SBNO2: variants seen among roughly 807,000 people sequenced by gnomAD.
SBNO2 encodes protein strawberry notch homolog 2.
SBNO2 carries 89 observed loss-of-function variants against 146.3 expected under a neutral mutation model. The observed-to-expected ratio is 0.61, with a 90% CI of 0.51 to 0.73. The LOEUF (loss-of-function observed/expected upper bound fraction) is 0.73, where lower values mean the gene tolerates loss of function less well. Ranked by LOEUF, SBNO2 falls within the 30% of genes least tolerant of loss-of-function variation. The probability of loss-of-function intolerance (pLI) is 0.00; values close to 1 mark genes in which losing one functional copy is unlikely to be tolerated. For missense variants in SBNO2, 2,092 were observed against 2,003.7 expected (o/e 1.04, Z -0.84); for synonymous variants, 1,147 against 892.6 (o/e 1.29, Z -5.08).
Position 1,112,601 on chromosome 19 carries a change from T to A in SBNO2, c.2380-64A>T. On this transcript the variant is annotated intron_variant, in intron 20 of 31. Coordinates refer to ENST00000361757, the MANE Select transcript of SBNO2 (RefSeq NM_014963.3). This position sits in a 1 kb window ranked among gnomAD's most constrained non-coding sequence, Gnocchi z 5.9. ...GGCCCGCCCCAGCGTTGCCGCCACC[T>A]CCTCACCCACTAGGCCCCCGCTCCA... 1 of 1,506,208 alleles carries A rather than the reference T, an allele frequency of 6.6e-7. No homozygotes were observed. The highest frequency in any genetic ancestry group is 1.3e-5 in the South Asian group (1 of 79,250). The allele number at this position is 1,506,208 out of a possible 1,614,324, so 93.3% of individuals were successfully genotyped here.
At position 1,158,981 on chromosome 19, in the gene SBNO2, C is replaced by T. The variant is rs961794294; in HGVS notation, c.-126-4579G>A. 6.6e-6 allele frequency among the ~76,000 whole-genome samples: 1 copy of T among 150,952 alleles called. No individual in the cohort carries two copies. The highest frequency in any genetic ancestry group is 1.5e-5 in the Non-Finnish European group (1 of 67,870). On this transcript the variant is annotated intron_variant, in intron 1 of 31. Transcript: ENST00000361757. This position sits in a 1 kb window ranked among gnomAD's most constrained non-coding sequence, Gnocchi z 9.9. ...ACCCCACTTGCAGCTGCAACCGCCG[C>T]CCCACGGCCGTGACCCCACCTGCAC...
chr19:1,162,235 G>A (rs1409768606), intron 1 of SBNO2, among the ~76,000 whole-genome samples: 6 of 136,954 alleles, frequency 4.4e-5, no homozygotes, highest in Non-Finnish European at 9.4e-5. Flanking sequence ...CAAGGCGGGT[G>A]GATCACGAGG....
chr19:1,151,200 C>T (rs975433695), intron 2 of SBNO2, among the ~76,000 whole-genome samples: 1 of 152,252 alleles, frequency 6.6e-6, no homozygotes, highest in Non-Finnish European at 1.5e-5. Context: ...TCCAGACCAA[C>T]CCAGCCTCCT....
chr19:1,171,857 G>A (rs1475217271), intron 1 of SBNO2, among the ~76,000 whole-genome samples: 3 of 152,178 alleles, frequency 2.0e-5, no homozygotes, highest in African/African-American at 7.2e-5. Context: ...CACGCGGCTG[G>A]AGAACATGCA....
At chr19:1,153,147 G>C (rs938361537) in intron 2 of SBNO2, among the ~76,000 whole-genome samples, 1 of 150,978 alleles carries the variant, frequency 6.6e-6, no homozygotes, top group East Asian at 1.9e-4. Context: ...GAGTGAAACC[G>C]TGTTTTAAAA....
intron 1 of SBNO2, among the ~76,000 whole-genome samples, chr19:1,155,727 C>T (rs928690317): frequency 1.3e-5 from 2 of 152,134 alleles, no homozygotes; most frequent in African/African-American, 2.4e-5. Context: ...TGGGACCCCC[C>T]GACCCCGGCC....
rs967914216 is a variant in SBNO2 at position 1,119,532 on chromosome 19, G to A, written c.1357C>T (p.His453Tyr). Residue 453 changes from histidine (H) to tyrosine (Y), a missense_variant, in exon 13 of 32, where the codon CAC (histidine) becomes TAC (tyrosine). Coordinates refer to ENST00000361757, the MANE Select transcript of SBNO2 (RefSeq NM_014963.3). ...TPFRNFEEFL[H>Y]AIEKRGVGAM... Reference sequence around the variant, plus strand: ...GGCACTCACCTCTTCTCGATGGCGTGCAGGAACTCCTCAAAGTTCCGGAAG... The same window carrying A: ...GGCACTCACCTCTTCTCGATGGCGTACAGGAACTCCTCAAAGTTCCGGAAG... The A allele has an allele frequency of 6.2e-6, 10 of 1,608,990 alleles. No homozygotes were observed. Among genetic ancestry groups the A allele is most frequent in the Non-Finnish European group, 8.5e-6 (10 of 1,177,752 alleles).
rs920584565 is a variant in SBNO2, at chr19:1,136,859, CAG to C, written c.280-9096_280-9095del. ...TCCCAGAAGCCCCCGGGCTGCCAGG[CAG>C]AGAGTGTTGTTACCGGACAGCTGCG... On this transcript the variant is annotated intron_variant, in intron 4 of 31. Coordinates refer to ENST00000361757, the MANE Select transcript of SBNO2 (RefSeq NM_014963.3). The surrounding 1 kb of genome is among the most constrained non-coding windows in gnomAD (Gnocchi z 4.2). Among the ~76,000 whole-genome samples, 11 of 152,078 alleles carry C rather than the reference CAG, an allele frequency of 7.2e-5. No homozygotes were observed. The highest frequency in any genetic ancestry group is 1.9e-4 in the African/African-American group (8 of 41,408).
chr19:1,132,047 C>T, intron 4 of SBNO2: 2 of 1,464,422 alleles, frequency 1.4e-6, no homozygotes, highest in Non-Finnish European at 1.8e-6. Flanking sequence ...CTCCCAGACC[C>T]CTGCCCCCGA....
At chr19:1,117,656 T>C (rs2079849606) in intron 14 of SBNO2, among the ~76,000 whole-genome samples, 157 bp from the exon 15 acceptor site, 1 of 152,232 alleles carries the variant, frequency 6.6e-6, no homozygotes, top group African/African-American at 2.4e-5. Context: ...TAAGAGGCAC[T>C]GCCTCTACCT....
In SBNO2 at chr19:1,108,141, C is replaced by T. The variant is rs1227993795; in HGVS notation, c.*79G>A. On this transcript the variant is annotated 3_prime_UTR_variant, in exon 32 of 32. Coordinates refer to ENST00000361757, the MANE Select transcript of SBNO2 (RefSeq NM_014963.3). ...GCTCCTCTGAGCAGTGGTCAGGGGACCTTGGCCCTGCTCCCCACCGCTGCT... is the reference window on the plus strand; with the variant it reads ...GCTCCTCTGAGCAGTGGTCAGGGGATCTTGGCCCTGCTCCCCACCGCTGCT... 7.9e-6 allele frequency: 11 copies of T among 1,394,056 alleles called. No individual in the cohort carries two copies. Among genetic ancestry groups the T allele is most frequent in the East Asian group, 3.4e-5 (1 of 29,298 alleles). 86.4% of individuals were successfully genotyped at this position (1,394,056 alleles called of 1,614,324 possible). A position where few individuals can be genotyped will look rare whatever the true frequency, so the allele number is the denominator to read the frequency against.
rs1245790116 is a variant in SBNO2, at chr19:1,116,870, C to T, written c.1761G>A (p.Gly587=). The change falls in exon 16 of 32, where the codon GGG becomes GGA. Residue 587 remains glycine (G), a synonymous_variant. Coordinates refer to ENST00000361757, the MANE Select transcript of SBNO2 (RefSeq NM_014963.3). The part of the protein sequence containing the change: ...TGEARTREVL[G]ENDGHLNCFV... ...AGCAGTTGAGGTGCCCATCGTTCTC[C>T]CCCAGCACCTCCCGCGTGCGCGCCT... is the stretch of plus-strand genomic sequence containing the variant. 1 of 1,591,360 alleles carries T rather than the reference C, an allele frequency of 6.3e-7. No individual in the cohort carries two copies. The highest frequency in any genetic ancestry group is 8.5e-7 in the Non-Finnish European group (1 of 1,171,484).
At position 1,161,688 on chromosome 19, in the gene SBNO2, G is replaced by A. The variant is rs953859262; in HGVS notation, c.-126-7286C>T. 4.6e-5 allele frequency among the ~76,000 whole-genome samples: 7 copies of A among 151,988 alleles called. No individual in the cohort carries two copies. The South Asian group carries it at 8.3e-4, about 18-fold the overall frequency. ...TTTAGGAACGGCCACGTCATACTAC[G>A]CTTTCTACCTCTCCTCTTGAAATTT... On this transcript the variant is annotated intron_variant, in intron 1 of 31. Transcript: ENST00000361757.
intron 3 of SBNO2, among the ~76,000 whole-genome samples, chr19:1,147,873 C>T (rs1175994845): frequency 3.9e-5 from 6 of 152,160 alleles, no homozygotes; most frequent in Non-Finnish European, 5.9e-5. Context: ...CCAGGGAGGG[C>T]TCAGGTCGGA....
At position 1,114,271 on chromosome 19, in the gene SBNO2, A is replaced by G. The variant is rs765274148; in HGVS notation, c.2037T>C (p.Val679=). ...GGAGCCCGACTGCATCAACGATGACAACGTCGTCATCCACCAGGGACTCGG... is the reference window on the plus strand; with the variant it reads ...GGAGCCCGACTGCATCAACGATGACGACGTCGTCATCCACCAGGGACTCGG... ...SSPESLVDDD[V]VIVDAVGLPS... is the part of the protein sequence containing the mutation. Residue 679 remains valine (V), a synonymous_variant, in exon 18 of 32, where the codon GTT becomes GTC. Transcript: ENST00000361757. The G allele has an allele frequency of 4.1e-5, 63 of 1,546,256 alleles. No individual in the cohort carries two copies. The highest frequency in any genetic ancestry group is 5.2e-5 in the Non-Finnish European group (59 of 1,144,684).
At chr19:1,146,776 G>A (rs2080194244) in intron 4 of SBNO2, among the ~76,000 whole-genome samples, 2 of 126,142 alleles carry the variant, frequency 1.6e-5, no homozygotes, top group Non-Finnish European at 1.7e-5. Flanking sequence ...GTGGGGGTGG[G>A]GTCCGCCTGA....
intron 13 of SBNO2, 113 bp from the exon 14 acceptor site, chr19:1,119,277 C>G: frequency 7.7e-7 from 1 of 1,296,804 alleles, no homozygotes; most frequent in Non-Finnish European, 1.1e-6. Flanking sequence ...GAGCAGAGCC[C>G]TGGCGGCCAC....
intron 4 of SBNO2, among the ~76,000 whole-genome samples, chr19:1,134,133 A>AGGACCCACAGCTCACGGGT (rs2080062792): frequency 7.5e-6 from 1 of 134,206 alleles, no homozygotes; most frequent in African/African-American, 2.6e-5. Context: ...CACAGCCCAT[A>AGGACCCACAGCTCACGGGT]GGACCCACAG....
At chr19:1,131,354 C>T (rs1241776316) in intron 4 of SBNO2, among the ~76,000 whole-genome samples, 1 of 152,212 alleles carries the variant, frequency 6.6e-6, no homozygotes, top group African/African-American at 2.4e-5. Flanking sequence ...CCAGGGAGGG[C>T]CGGGGCTGCC....
Sources: gnomAD v4.1 joint callset for allele counts (sites outside exome capture counted in the v4.1 genomes callset) on GRCh38, gnomAD v4.1.1 for gene constraint, Gnocchi (gnomAD v3.1) non-coding constraint, MANE v1.5 for transcripts, NCBI Gene and HGNC (gene_info 2026-07-23, HGNC 2026-07-21) for gene names.